PPFIA1: variants seen among roughly 807,000 people sequenced by gnomAD.
The protein encoded by PPFIA1 is PPFI scaffold protein A1.
PPFIA1 carries 25 observed loss-of-function variants against 149.9 expected under a neutral mutation model. The ratio of observed to expected loss-of-function variants is 0.17; its 90% CI spans 0.12 to 0.23. PPFIA1 has a LOEUF of 0.23. Ranked by LOEUF, PPFIA1 falls within the 10% of genes least tolerant of loss-of-function variation. PPFIA1 has a pLI of 1.00. For synonymous variants in PPFIA1, 549 were observed against 552.8 expected (o/e 0.99, Z 0.10); for missense variants, 1,362 against 1,506.5 (o/e 0.90, Z 1.59).
intron 2 of PPFIA1, among the ~76,000 whole-genome samples, chr11:70,318,912 G>A (rs34087776): frequency 6.6e-6 from 1 of 152,170 alleles, no homozygotes; most frequent in Non-Finnish European, 1.5e-5. Flanking sequence ...GACTGTTGGG[G>A]GCTTGATCCC....
intron 2 of PPFIA1, among the ~76,000 whole-genome samples, chr11:70,285,119 G>T (rs1417658865): frequency 6.6e-6 from 1 of 152,074 alleles, no homozygotes; most frequent in Non-Finnish European, 1.5e-5. Flanking sequence ...CGATTCTCCT[G>T]CCTCAGCCTC....
chr11:70,297,323 C>T (rs1374354653), intron 2 of PPFIA1, among the ~76,000 whole-genome samples: 2 of 151,994 alleles, frequency 1.3e-5, no homozygotes, highest in East Asian at 1.9e-4. Flanking sequence ...GCGAGCGGAT[C>T]GCCTGAACCT....
rs2057557150 is a variant in PPFIA1 at position 70,378,062 on chromosome 11, A to T, written c.3417A>T (p.Ser1139=). 1 of 1,613,738 alleles carries T rather than the reference A, an allele frequency of 6.2e-7. No homozygotes were observed. The highest frequency in any genetic ancestry group is 1.3e-5 in the African/African-American group (1 of 74,940). ...DDDKSFRRAP[S]WRKKFRPKDI... ...ATAAAAGCTTTAGGAGAGCACCTTC[A>T]TGGAGAAAAAAGTTTAGACCAAAGG... is the stretch of plus-strand genomic sequence containing the variant. The change falls in exon 26 of 28, where the codon TCA becomes TCT. Residue 1139 remains serine, a synonymous_variant. Transcript: ENST00000253925.
chr11:70,314,052 G>A (rs1464470300), intron 2 of PPFIA1, among the ~76,000 whole-genome samples: 1 of 152,204 alleles, frequency 6.6e-6, no homozygotes, highest in Non-Finnish European at 1.5e-5. Context: ...TTGGGCATTT[G>A]CCTAGGGTAG....
chr11:70,370,184 G>GAT (rs1429209905), intron 21 of PPFIA1, among the ~76,000 whole-genome samples: 1 of 151,902 alleles, frequency 6.6e-6, no homozygotes, highest in Non-Finnish European at 1.5e-5. Flanking sequence ...TTTCATTCTT[G>GAT]ATAGTGGTGA....
chr11:70,287,518 A>T (rs945391570), intron 2 of PPFIA1, among the ~76,000 whole-genome samples: 8 of 151,126 alleles, frequency 5.3e-5, no homozygotes, highest in Non-Finnish European at 1.0e-4. Flanking sequence ...TTTAGTAGAT[A>T]CAGGAGTCTT....
intron 15 of PPFIA1, among the ~76,000 whole-genome samples, chr11:70,346,404 C>T (rs1269457131): frequency 6.6e-6 from 1 of 151,106 alleles, no homozygotes; most frequent in African/African-American, 2.4e-5. Context: ...AGAGAAACAT[C>T]AACAAGAGCT....
chr11:70,315,590 G>A (rs12289749), intron 2 of PPFIA1, among the ~76,000 whole-genome samples: 11,226 of 151,516 alleles, frequency 0.074, 1,473 homozygotes, highest in African/African-American at 0.26. Flanking sequence ...TCTGCATGCC[G>A]GTTTCTCATG....
chr11:70,290,683 T>C (rs1249369231), intron 2 of PPFIA1, among the ~76,000 whole-genome samples: 1 of 152,170 alleles, frequency 6.6e-6, no homozygotes, highest in Non-Finnish European at 1.5e-5. Flanking sequence ...CTCTGAAAAT[T>C]TGGGAGCTTG....
chr11:70,354,404 A>C lies in PPFIA1; in HGVS notation c.2267A>C (p.Lys756Thr). 1 of 1,614,010 alleles carries C rather than the reference A, an allele frequency of 6.2e-7. No homozygotes were observed. Residue 756 changes from lysine (K) to threonine (T), a missense_variant, in exon 17 of 28, where the codon AAA becomes ACA. This residue lies in a region of PPFIA1 where 733 missense variants were observed against 744.1 expected (regional missense o/e 0.99). Coordinates refer to ENST00000253925, the MANE Select transcript of PPFIA1 (RefSeq NM_003626.5). The part of the protein sequence containing the change: ...PRALRLDRLH[K>T]GALHTVSHED... ...GCCCTTCGGTTAGACCGGCTGCACA[A>C]AGGGGCGCTGCACACCGTCAGCCAC...
chr11:70,352,389 T>C (rs1190973890), intron 16 of PPFIA1, among the ~76,000 whole-genome samples: 5 of 152,096 alleles, frequency 3.3e-5, no homozygotes, highest in Non-Finnish European at 2.9e-5. Context: ...CTGACTTCTG[T>C]TGGATTGTTT....
At position 70,275,596 on chromosome 11, in the gene PPFIA1, G is replaced by A. The variant is rs1469515464; in HGVS notation, c.264+3160G>A. On this transcript the variant is annotated intron_variant, in intron 2 of 27. Coordinates refer to ENST00000253925, the MANE Select transcript of PPFIA1 (RefSeq NM_003626.5). ...GACTTTGTTTATGGTATGCGATGGG[G>A]CCAAGAGTCTCTCTTTCTTTTTTTA... is the stretch of plus-strand genomic sequence containing the variant. Among the ~76,000 whole-genome samples the A allele has an allele frequency of 1.3e-5, 2 of 152,010 alleles. 1 individual carries two copies. The highest frequency in any genetic ancestry group is 4.8e-5 in the African/African-American group (2 of 41,374).
intron 2 of PPFIA1, among the ~76,000 whole-genome samples, chr11:70,308,794 A>G (rs529196243): frequency 1.6e-4 from 24 of 152,050 alleles, no homozygotes; most frequent in Admixed American, 1.6e-3. Flanking sequence ...AAAAAACCCA[A>G]CTTGAACATT....
At chr11:70,338,042 C>T (rs780842825) in intron 12 of PPFIA1, among the ~76,000 whole-genome samples, 5 of 152,306 alleles carry the variant, frequency 3.3e-5, no homozygotes, top group African/African-American at 4.8e-5. Flanking sequence ...ATGCACAGGA[C>T]GTGAATATTG....
intron 8 of PPFIA1, among the ~76,000 whole-genome samples, chr11:70,331,737 G>T (rs551583044): frequency 6.6e-6 from 1 of 150,408 alleles, no homozygotes; most frequent in East Asian, 2.0e-4. Context: ...CCAAGATTGT[G>T]CCACTGCACT....
intron 21 of PPFIA1, 196 bp downstream of exon 21, chr11:70,362,684 C>T (rs1291705737): frequency 6.7e-6 from 3 of 447,848 alleles, no homozygotes; most frequent in East Asian, 3.5e-5. Context: ...TTATTAAATG[C>T]TTTTATGAAA....
chr11:70,350,116 T>C, intron 16 of PPFIA1: 1 of 338,410 alleles, frequency 3.0e-6, no homozygotes, highest in Non-Finnish European at 5.7e-6. Flanking sequence ...GTTGTTTTTT[T>C]CTCAGTTAAA....
intron 2 of PPFIA1, among the ~76,000 whole-genome samples, chr11:70,288,164 C>T (rs761986108): frequency 5.9e-5 from 9 of 151,676 alleles, no homozygotes; most frequent in Non-Finnish European, 1.3e-4. Flanking sequence ...ACCTCTGCCT[C>T]CTGGGTTCAA....
chr11:70,312,250 G>T (rs1218174410), intron 2 of PPFIA1, among the ~76,000 whole-genome samples: 2 of 152,084 alleles, frequency 1.3e-5, no homozygotes, highest in Non-Finnish European at 2.9e-5. Context: ...GAGTGCAGTA[G>T]TGTGATCATA....
Sources: gnomAD v4.1 joint callset for allele counts (sites outside exome capture counted in the v4.1 genomes callset) on GRCh38, gnomAD v4.1.1 for gene constraint, gnomAD v4.1.1 regional missense constraint, MANE v1.5 for transcripts, NCBI Gene and HGNC (gene_info 2026-07-23, HGNC 2026-07-21) for gene names.